CCDC39: variants seen among roughly 807,000 people sequenced by gnomAD.
The protein encoded by CCDC39 is coiled-coil domain 39 molecular ruler complex subunit, also known as coiled-coil domain-containing protein 39.
Under a neutral mutation model 121.0 loss-of-function variants are expected in CCDC39, and 113 were observed. The ratio of observed to expected loss-of-function variants is 0.93; its 90% CI spans 0.80 to 1.09. The LOEUF is 1.09. Ranked by LOEUF, CCDC39 falls within the 50% of genes least tolerant of loss-of-function variation. The pLI is 0.00. For missense variants in CCDC39, 1,063 were observed against 1,074.7 expected, an observed-to-expected ratio of 0.99 and a Z score of 0.15; for synonymous variants, 349 against 352.2, an observed-to-expected ratio of 0.99 and a Z score of 0.10.
intron 14 of CCDC39, among the ~76,000 whole-genome samples, chr3:180,628,711 GTGTA>G (rs1160822718): frequency 1.3e-5 from 2 of 152,120 alleles, no homozygotes; most frequent in Middle Eastern, 3.2e-3. Context: ...AAATGAATAA[GTGTA>G]TGTATTTTGT....
intron 13 of CCDC39, among the ~76,000 whole-genome samples, chr3:180,637,254 A>T (rs34373335): frequency 0.18 from 27,579 of 152,122 alleles, 2,697 homozygotes; most frequent in Non-Finnish European, 0.21. Flanking sequence ...AACCATATTA[A>T]AAAGTGAGCA....
At chr3:180,672,027 T>C (rs1712062449) in intron 1 of CCDC39, among the ~76,000 whole-genome samples, 1 of 152,184 alleles carries the variant, frequency 6.6e-6, no homozygotes, top group Non-Finnish European at 1.5e-5. Flanking sequence ...TCTATGACTT[T>C]TATAGCTCAA....
chr3:180,663,987 CTG>C lies in CCDC39; in HGVS notation c.91-3_91-2del. ...CTCTTTCATCCTTCAGCTTTGACAACTGTAAATAATAAATACTATGATTAACC... is the reference window on the plus strand; with the variant it reads ...CTCTTTCATCCTTCAGCTTTGACAACTAAATAATAAATACTATGATTAACC... On this transcript the variant is annotated splice_acceptor_variant and splice_polypyrimidine_tract_variant and intron_variant, in intron 1 of 19. Coordinates refer to ENST00000476379, the MANE Select transcript of CCDC39 (RefSeq NM_181426.2). LOFTEE classifies it high-confidence loss of function. The C allele has an allele frequency of 6.2e-7, 1 of 1,609,872 alleles. No individual in the cohort carries two copies. The highest frequency in any genetic ancestry group is 8.5e-7 in the Non-Finnish European group (1 of 1,178,686).
intron 11 of CCDC39, among the ~76,000 whole-genome samples, chr3:180,646,104 C>T (rs760174990): frequency 3.9e-5 from 6 of 151,998 alleles, no homozygotes; most frequent in African/African-American, 7.2e-5. Flanking sequence ...ATTTAATAGA[C>T]GAGTAAACTA....
At chr3:180,677,708 A>C (rs1022178209) in intron 1 of CCDC39, among the ~76,000 whole-genome samples, 4 of 152,176 alleles carry the variant, frequency 2.6e-5, no homozygotes, top group Admixed American at 6.5e-5. Context: ...CCGCATATAT[A>C]TAATTCCATT....
chr3:180,671,689 T>G (rs941345562), intron 1 of CCDC39, among the ~76,000 whole-genome samples: 2 of 152,040 alleles, frequency 1.3e-5, no homozygotes, highest in Non-Finnish European at 2.9e-5. Flanking sequence ...GCCTCCTGAG[T>G]AGCTGGGATT....
chr3:180,631,155 A>C (rs1160922839), intron 14 of CCDC39, among the ~76,000 whole-genome samples: 8 of 152,242 alleles, frequency 5.3e-5, no homozygotes, highest in Admixed American at 5.2e-4. Flanking sequence ...ATGGTCAAGT[A>C]GAATGACCTG....
intron 6 of CCDC39, among the ~76,000 whole-genome samples, chr3:180,658,386 G>A (rs1431869729): frequency 1.3e-5 from 2 of 151,754 alleles, no homozygotes; most frequent in Admixed American, 1.3e-4. Flanking sequence ...ACGAGGTCAG[G>A]AGATCGAGAC....
Position 180,616,962 on chromosome 3 carries a change from A to G in CCDC39, c.2270T>C (p.Met757Thr). The G allele has an allele frequency of 2.9e-6, 4 of 1,361,248 alleles. No homozygotes were observed. Among genetic ancestry groups the G allele is most frequent in the Non-Finnish European group, 3.0e-6 (3 of 998,016 alleles). 84.3% of individuals were successfully genotyped at this position (1,361,248 alleles called of 1,614,324 possible). A position where few individuals can be genotyped will look rare whatever the true frequency, so the allele number is the denominator to read the frequency against. ...TTCTATAACATCTAATGTATTTTCC[A>G]TGCTCTGTAGAAAAAATATTAACAT... Reference protein sequence around the residue: ...IRELQEDIQSMENTLDVIEHL... With the variant: ...IRELQEDIQSTENTLDVIEHL... Residue 757 changes from methionine (M) to threonine (T), a missense_variant, in exon 17 of 20, where the codon ATG becomes ACG. Transcript: ENST00000476379.
At position 180,673,132 on chromosome 3, in the gene CCDC39, C is replaced by T. The variant is rs557571607; in HGVS notation, c.90+6159G>A. On this transcript the variant is annotated intron_variant, in intron 1 of 19. Transcript: ENST00000476379. ...AGAAAGCAGTTCCTTGAGATAGTAT[C>T]TACTCCTAGTGAAGATGCTGTGAAC... Among the ~76,000 whole-genome samples the T allele has an allele frequency of 8.1e-4, 124 of 152,332 alleles. 3 individuals carry two copies. Among genetic ancestry groups the T allele is most frequent in the African/African-American group, 2.9e-3 (119 of 41,572 alleles).
chr3:180,623,622 G>T (rs1381227163), intron 14 of CCDC39, among the ~76,000 whole-genome samples: 1 of 151,502 alleles, frequency 6.6e-6, no homozygotes, highest in African/African-American at 2.4e-5. Flanking sequence ...CATTCCTTTT[G>T]CTCTATCCCA....
At chr3:180,666,894 C>CAA (rs1412538311) in intron 1 of CCDC39, among the ~76,000 whole-genome samples, 2 of 151,934 alleles carry the variant, frequency 1.3e-5, no homozygotes, top group Non-Finnish European at 2.9e-5. Context: ...CACACACACA[C>CAA]AATCAGATTG....
chr3:180,673,639 A>C (rs1273724923), intron 1 of CCDC39, among the ~76,000 whole-genome samples: 1 of 152,216 alleles, frequency 6.6e-6, no homozygotes, highest in Non-Finnish European at 1.5e-5. Context: ...GTGGTCTGGA[A>C]CTGAACTCAC....
At chr3:180,645,693 T>A (rs1718052271) in intron 11 of CCDC39, among the ~76,000 whole-genome samples, 1 of 152,198 alleles carries the variant, frequency 6.6e-6, no homozygotes, top group Non-Finnish European at 1.5e-5. Context: ...GCATACAGGA[T>A]GACTTTACAA....
chr3:180,617,464 T>C (rs963647117), intron 16 of CCDC39: 7 of 688,622 alleles, frequency 1.0e-5, no homozygotes, highest in Non-Finnish European at 1.9e-5. Context: ...GGCATTGTTA[T>C]CATAGATGAC....
intron 2 of CCDC39, 136 bp downstream of exon 2, chr3:180,663,731 A>G (rs1436027182): frequency 1.1e-5 from 9 of 851,062 alleles, no homozygotes; most frequent in African/African-American, 1.8e-5. Context: ...ATCTACTTTC[A>G]TGTTCAAGGT....
rs555734607 is a variant in CCDC39, at chr3:180,678,688, T to C, written c.90+603A>G. ...TTTTTTTTTAACAACTGCTATGAATTGTAGTTAGTGTAAGTTCGTCCTTGC... is the reference window on the plus strand; with the variant it reads ...TTTTTTTTTAACAACTGCTATGAATCGTAGTTAGTGTAAGTTCGTCCTTGC... On this transcript the variant is annotated intron_variant, in intron 1 of 19. Coordinates refer to ENST00000476379, the MANE Select transcript of CCDC39 (RefSeq NM_181426.2). Among the ~76,000 whole-genome samples, 4 of 151,714 alleles carry C rather than the reference T, an allele frequency of 2.6e-5. No homozygotes were observed. In the South Asian group the frequency reaches 8.3e-4, roughly 32 times the overall value.
At chr3:180,664,077 A>C (rs1711811400) in intron 1 of CCDC39, 91 bp from the exon 2 acceptor site, 1 of 1,193,402 alleles carries the variant, frequency 8.4e-7, no homozygotes, top group Admixed American at 2.3e-5. Context: ...ATTTTCATTT[A>C]CATTGTCTTA....
chr3:180,631,206 G>A (rs1447351288), intron 14 of CCDC39, among the ~76,000 whole-genome samples: 2 of 152,216 alleles, frequency 1.3e-5, no homozygotes, highest in African/African-American at 2.4e-5. Flanking sequence ...TTCACAGTAA[G>A]TTTTGGGAAT....
Sources: allele counts gnomAD v4.1 joint callset (sites outside exome capture counted in the v4.1 genomes callset), GRCh38; gene constraint gnomAD v4.1.1; transcripts MANE v1.5; gene names NCBI Gene and HGNC (gene_info 2026-07-23, HGNC 2026-07-21).